The following MTRF1 variants were observed in gnomAD, a reference collection of about 807,000 sequenced individuals.
MTRF1 encodes mitochondrial translation release factor 1.
A neutral mutation model predicts 62.9 loss-of-function variants in MTRF1; 51 were observed. The observed-to-expected ratio is 0.81, with a 90% confidence interval of 0.65 to 1.02. MTRF1 has a LOEUF of 1.02. Among genes scored for constraint, MTRF1 ranks in the 50% least tolerant of loss-of-function variants. The pLI is 0.00. For missense variants in MTRF1, 446 were observed against 530.0 expected (o/e 0.84, Z 1.56); for synonymous variants, 158 against 181.9 (o/e 0.87, Z 1.06).
the MTRF1 span, among the ~76,000 whole-genome samples, chr13:41,305,443 TAAAC>T: frequency 6.6e-5 from 10 of 152,216 alleles, no homozygotes; most frequent in South Asian, 8.3e-4. Context: ...AATTTAAGAT[TAAAC>T]AAACAAACAG....
chr13:41,225,808 T>TAAAAA (rs11368326), intron 8 of MTRF1, among the ~76,000 whole-genome samples: 7 of 121,096 alleles, frequency 5.8e-5, no homozygotes, highest in South Asian at 2.7e-4. Context: ...ACTCTGTCAT[T>TAAAAA]AAAAAAAAAA....
At chr13:41,311,318 G>A in the MTRF1 span, 1 of 554,200 alleles carries the variant, frequency 1.8e-6, no homozygotes, top group Non-Finnish European at 3.1e-6. Flanking sequence ...CGGAGCCCAG[G>A]GGAAGCGTGT....
chr13:41,258,515 G>A, intron 2 of MTRF1, among the ~76,000 whole-genome samples: 1 of 150,758 alleles, frequency 6.6e-6, no homozygotes, highest in Non-Finnish European at 1.5e-5. Context: ...AGAAGGCTGA[G>A]GCAGGAGGAT....
the MTRF1 span, among the ~76,000 whole-genome samples, chr13:41,294,529 A>G: frequency 6.6e-6 from 1 of 152,136 alleles, no homozygotes; most frequent in African/African-American, 2.4e-5. Context: ...CAAAATATAG[A>G]ACAGATAGGA....
At chr13:41,265,162 C>T (rs1010817197), upstream of MTRF1, among the ~76,000 whole-genome samples, 1 of 152,150 alleles carries the variant, frequency 6.6e-6, no homozygotes, top group African/African-American at 2.4e-5. Context: ...GTGGTTCACG[C>T]CTGTAATCCT....
chr13:41,248,145 C>T (rs1482763583), intron 5 of MTRF1, among the ~76,000 whole-genome samples: 1 of 152,108 alleles, frequency 6.6e-6, no homozygotes, highest in Non-Finnish European at 1.5e-5. Flanking sequence ...ACTCGAGGTA[C>T]TGTGGGTCTG....
rs752347175 is a variant in MTRF1 at position 41,260,604 on chromosome 13, T to C, written c.304A>G (p.Asn102Asp). 6.2e-7 allele frequency: 1 copy of C among 1,614,168 alleles called. No homozygotes were observed. The highest frequency in any genetic ancestry group is 8.5e-7 in the Non-Finnish European group (1 of 1,180,010). The stretch of plus-strand genomic sequence containing the variant: ...TGCCTTCTGTTCAAGGACCTTCGGT[T>C]TTCCTCATTCACAGGGATATGCTGC... ...CLQHIPVNEE[N>D]RRSLNRRHAE... The change falls in exon 2 of 10, where the codon AAC (asparagine) becomes GAC (aspartate). Residue 102 changes from asparagine to aspartate, a missense_variant. Transcript: ENST00000379480.
the MTRF1 span, among the ~76,000 whole-genome samples, chr13:41,306,643 G>A: frequency 6.6e-6 from 1 of 152,164 alleles, no homozygotes; most frequent in Non-Finnish European, 1.5e-5. Context: ...TAGGCTGAAC[G>A]AGAAGAATCA....
intron 5 of MTRF1, among the ~76,000 whole-genome samples, chr13:41,249,300 G>A (rs905569523): frequency 6.6e-6 from 1 of 152,080 alleles, no homozygotes; most frequent in Non-Finnish European, 1.5e-5. Flanking sequence ...CCAGTACTTT[G>A]GGAGGCCGAG....
the MTRF1 span, chr13:41,311,705 T>C: frequency 1.1e-6 from 1 of 901,124 alleles, no homozygotes; most frequent in Non-Finnish European, 1.7e-6. Flanking sequence ...GCTCTTTGTT[T>C]ACCTCGGAGG....
intron 9 of MTRF1, among the ~76,000 whole-genome samples, chr13:41,219,078 G>C (rs1366097542): frequency 6.8e-6 from 1 of 147,548 alleles, no homozygotes; most frequent in Admixed American, 6.9e-5. Flanking sequence ...ATCACCTGAG[G>C]TCAGGAGATT....
At chr13:41,286,030 C>G in the MTRF1 span, among the ~76,000 whole-genome samples, 1 of 147,606 alleles carries the variant, frequency 6.8e-6, no homozygotes, top group East Asian at 2.0e-4. Flanking sequence ...AGCCACTGCA[C>G]TCCAGCCTGG....
the MTRF1 span, among the ~76,000 whole-genome samples, chr13:41,270,407 A>C: frequency 6.6e-6 from 1 of 152,222 alleles, no homozygotes; most frequent in African/African-American, 2.4e-5. Context: ...AGACATTTTC[A>C]GTAGTGAAAC....
chr13:41,290,004 G>A, the MTRF1 span, among the ~76,000 whole-genome samples: 42 of 150,126 alleles, frequency 2.8e-4, no homozygotes, highest in African/African-American at 1.0e-3. Context: ...CCAAGAGTTT[G>A]TTGAATCCCG....
the MTRF1 span, among the ~76,000 whole-genome samples, chr13:41,310,336 G>T: frequency 6.6e-6 from 1 of 152,156 alleles, no homozygotes; most frequent in East Asian, 1.9e-4. Context: ...ACCATCTGAA[G>T]AGAAAGGGTA....
chr13:41,257,961 G>T (rs1019160503), intron 2 of MTRF1, among the ~76,000 whole-genome samples: 1 of 152,176 alleles, frequency 6.6e-6, no homozygotes, highest in Admixed American at 6.5e-5. Context: ...TAGAAAAATT[G>T]TAGAGGTAGT....
At chr13:41,219,961 G>A (rs1186898657) in intron 9 of MTRF1, among the ~76,000 whole-genome samples, 1 of 127,270 alleles carries the variant, frequency 7.9e-6, no homozygotes, top group African/African-American at 3.0e-5. Flanking sequence ...TCACACCATT[G>A]CACTCCAGCC....
At chr13:41,310,262 G>C in the MTRF1 span, among the ~76,000 whole-genome samples, 1 of 152,192 alleles carries the variant, frequency 6.6e-6, no homozygotes, top group Admixed American at 6.5e-5. Flanking sequence ...GAGTATCCCA[G>C]AGTTGGAAGA....
At chr13:41,284,576 G>C in the MTRF1 span, among the ~76,000 whole-genome samples, 1 of 150,160 alleles carries the variant, frequency 6.7e-6, no homozygotes, top group Admixed American at 6.6e-5. Context: ...AAATTTCTCT[G>C]ATAATCTACA....
Sources: allele counts gnomAD v4.1 joint callset (sites outside exome capture counted in the v4.1 genomes callset), GRCh38; gene constraint gnomAD v4.1.1; transcripts MANE v1.5; gene names NCBI Gene and HGNC (gene_info 2026-07-23, HGNC 2026-07-21).